KLHL8: variants seen among roughly 807,000 people sequenced by gnomAD.
KLHL8 encodes the protein kelch-like protein 8.
A neutral mutation model predicts 63.5 loss-of-function variants in KLHL8; 38 were observed. The ratio of observed to expected loss-of-function variants is 0.60; its 90% confidence interval spans 0.46 to 0.78. The LOEUF (loss-of-function observed/expected upper bound fraction) is 0.78, where lower values mean the gene tolerates loss of function less well. Ranked by LOEUF, KLHL8 falls within the 30% of genes least tolerant of loss-of-function variation. The pLI is 0.00. For missense variants in KLHL8, 566 were observed against 752.4 expected (o/e 0.75, Z 2.90); for synonymous variants, 224 against 254.3 (o/e 0.88, Z 1.13).
chr4:87,233,979 C>T (rs1733181909), intron 1 of KLHL8, among the ~76,000 whole-genome samples: 1 of 152,164 alleles, frequency 6.6e-6, no homozygotes, highest in East Asian at 1.9e-4. Context: ...AGTGAGCCAA[C>T]TATTTGTCAC....
chr4:87,192,683 T>C (rs988762488), intron 2 of KLHL8, among the ~76,000 whole-genome samples: 41 of 152,122 alleles, frequency 2.7e-4, no homozygotes, highest in African/African-American at 9.9e-4. Flanking sequence ...TGTCAGGTGA[T>C]TTTATCATTG....
chr4:87,231,964 T>C (rs1733145033), intron 1 of KLHL8, among the ~76,000 whole-genome samples: 1 of 152,232 alleles, frequency 6.6e-6, no homozygotes, highest in African/African-American at 2.4e-5. Context: ...TCTATAACCA[T>C]GAATCTAACA....
intron 8 of KLHL8, among the ~76,000 whole-genome samples, chr4:87,164,863 C>T (rs1277330675): frequency 7.9e-5 from 12 of 151,974 alleles, no homozygotes; most frequent in African/African-American, 2.9e-4. Flanking sequence ...AAAACAAGGT[C>T]AGAGGCCGGG....
chr4:87,205,762 G>A (rs1273674721), intron 1 of KLHL8, among the ~76,000 whole-genome samples: 2 of 152,026 alleles, frequency 1.3e-5, no homozygotes, highest in Non-Finnish European at 2.9e-5. Context: ...CTGCACCCAG[G>A]AGTCTTCTTT....
At chr4:87,205,170 G>C (rs927428963) in intron 1 of KLHL8, among the ~76,000 whole-genome samples, 2 of 152,186 alleles carry the variant, frequency 1.3e-5, no homozygotes, top group African/African-American at 4.8e-5. Flanking sequence ...ACTTTGAGAG[G>C]ACAAGCTAGG....
intron 8 of KLHL8, among the ~76,000 whole-genome samples, chr4:87,168,761 T>TATATATATGTGTATATATATAC (rs1578359158): frequency 8.4e-5 from 12 of 143,334 alleles, no homozygotes; most frequent in African/African-American, 2.3e-4. Context: ...TATATGTGTG[T>TATATATATGTGTATATATATAC]GTATATATAT....
At chr4:87,178,682 G>A in intron 4 of KLHL8, 62 bp from the exon 5 acceptor site, 1 of 1,445,252 alleles carries the variant, frequency 6.9e-7, no homozygotes, top group Non-Finnish European at 9.1e-7. Context: ...AAATTAGAAA[G>A]CCAAAACTTT....
At chr4:87,222,005 G>A (rs1732874213), upstream of KLHL8, among the ~76,000 whole-genome samples, 1 of 152,108 alleles carries the variant, frequency 6.6e-6, no homozygotes, top group Non-Finnish European at 1.5e-5. Context: ...AACTGAGGAA[G>A]CAGCTTCAAG....
chr4:87,228,849 A>G (rs1578411674), intron 1 of KLHL8, among the ~76,000 whole-genome samples: 2 of 152,162 alleles, frequency 1.3e-5, no homozygotes, highest in Non-Finnish European at 2.9e-5. Context: ...AGATGATGTA[A>G]TTTCTTCCCC....
At chr4:87,239,144 T>C (rs924722517) in intron 1 of KLHL8, among the ~76,000 whole-genome samples, 1 of 152,226 alleles carries the variant, frequency 6.6e-6, no homozygotes, top group Non-Finnish European at 1.5e-5. Context: ...ATATTTGTGA[T>C]TAAATATGTG....
intron 1 of KLHL8, among the ~76,000 whole-genome samples, chr4:87,196,634 T>C (rs1731710357): frequency 6.6e-6 from 1 of 152,242 alleles, no homozygotes; most frequent in Non-Finnish European, 1.5e-5. Context: ...CTTATTAGTA[T>C]TTACATATAA....
At chr4:87,210,834 C>A (rs531853545) in intron 1 of KLHL8, among the ~76,000 whole-genome samples, 1 of 152,310 alleles carries the variant, frequency 6.6e-6, no homozygotes, top group South Asian at 2.1e-4. Context: ...AAGATCAGCC[C>A]AGGTTCATCT....
At chr4:87,193,071 T>TA (rs1408525910) in intron 2 of KLHL8, among the ~76,000 whole-genome samples, 2 of 152,006 alleles carry the variant, frequency 1.3e-5, no homozygotes, top group African/African-American at 4.8e-5. Flanking sequence ...TACACTAAAT[T>TA]AAAAAAAATA....
At chr4:87,187,521 G>C (rs1465698425) in intron 2 of KLHL8, among the ~76,000 whole-genome samples, 2 of 149,588 alleles carry the variant, frequency 1.3e-5, no homozygotes, top group African/African-American at 4.9e-5. Flanking sequence ...TTAGGCATTT[G>C]TCATATATAT....
chr4:87,230,289 ACCT>A (rs1253413880), intron 1 of KLHL8, among the ~76,000 whole-genome samples: 2 of 151,946 alleles, frequency 1.3e-5, no homozygotes, highest in Non-Finnish European at 2.9e-5. Flanking sequence ...CTTCCCTTTG[ACCT>A]CCTCAAGTGA....
At chr4:87,199,763 T>A (rs898705130) in intron 1 of KLHL8, among the ~76,000 whole-genome samples, 1 of 151,356 alleles carries the variant, frequency 6.6e-6, no homozygotes, top group African/African-American at 2.4e-5. Context: ...GAGGCTAAGG[T>A]AGGAGGATCA....
intron 8 of KLHL8, chr4:87,167,491 G>T: frequency 3.8e-6 from 2 of 530,594 alleles, no homozygotes; most frequent in South Asian, 1.4e-5. Context: ...AGAGGAGGCT[G>T]GGAGCAATTT....
intron 8 of KLHL8, among the ~76,000 whole-genome samples, chr4:87,164,973 C>A (rs1057271578): frequency 6.6e-6 from 1 of 151,458 alleles, no homozygotes; most frequent in Non-Finnish European, 1.5e-5. Context: ...ACGGTGAAAC[C>A]CCGTCTCTAC....
chr4:87,185,702 T>C lies in KLHL8; in HGVS notation c.314A>G (p.Gln105Arg), dbSNP rs751333847. ...AAAATCTCTAATCTCAATCAGCGTT[T>C]GCTTGGCTTCAGCCATTTCAGAAAG... ...MFLSEMAEAK[Q>R]TLIEIRDFDG... Residue 105 changes from glutamine to arginine, a missense_variant, in exon 3 of 10, where the codon CAA becomes CGA. Gln to Arg is a conservative substitution (Grantham distance 43, BLOSUM62 1). Coordinates refer to ENST00000273963, the MANE Select transcript of KLHL8 (RefSeq NM_020803.5). 3 of 1,614,190 alleles carry C rather than the reference T, an allele frequency of 1.9e-6. No individual in the cohort carries two copies. The highest frequency in any genetic ancestry group is 2.5e-6 in the Non-Finnish European group (3 of 1,180,016).
Sources: gnomAD v4.1 joint callset for allele counts (sites outside exome capture counted in the v4.1 genomes callset) on GRCh38, gnomAD v4.1.1 for gene constraint, MANE v1.5 for transcripts, NCBI Gene and HGNC (gene_info 2026-07-23, HGNC 2026-07-21) for gene names.